Variants in ROBO2 observed in about 807,000 individuals in gnomAD.
The protein encoded by ROBO2 is roundabout homolog 2.
A neutral mutation model predicts 160.8 loss-of-function variants in ROBO2; 53 were observed. That is an observed-to-expected ratio of 0.33 (90% CI 0.26 to 0.41). The LOEUF (loss-of-function observed/expected upper bound fraction) is 0.41. Ranked by LOEUF, ROBO2 falls within the 10% of genes least tolerant of loss-of-function variation. The probability of loss-of-function intolerance (pLI) is 1.00; values close to 1 mark genes in which losing one functional copy is unlikely to be tolerated. For synonymous variants in ROBO2, 664 were observed against 611.7 expected, an observed-to-expected ratio of 1.09 and a Z score of -1.26; for missense variants, 1,577 against 1,722.4, an observed-to-expected ratio of 0.92 and a Z score of 1.49.
chr3:76,489,495 ACCAGCTTTAAAATGT>A (rs1414597618), intron 2 of ROBO2, among the ~76,000 whole-genome samples: 9 of 152,282 alleles, frequency 5.9e-5, no homozygotes, highest in African/African-American at 2.2e-4. Context: ...TGAATTCTCA[ACCAGCTTTAAAATGT>A]TATAATTTTG....
Position 77,077,838 on chromosome 3 carries a change from G to A in ROBO2, c.62-20176G>A, listed in dbSNP as rs139438836. 9.1e-3 allele frequency among the ~76,000 whole-genome samples: 1,389 copies of A among 152,250 alleles called. 7 individuals carry two copies. Among genetic ancestry groups the A allele is most frequent in the Non-Finnish European group, 0.014 (947 of 68,014 alleles). Reference sequence around the variant, plus strand: ...CAGCTGCATAGAGAATCATTCCTGGGTATTCTAGAATCTCTGCCAGTTTCT... The same window carrying A: ...CAGCTGCATAGAGAATCATTCCTGGATATTCTAGAATCTCTGCCAGTTTCT... On this transcript the variant is annotated intron_variant, in intron 1 of 25. Transcript: ENST00000461745.
chr3:76,124,492 TATC>T (rs1208934213), intron 2 of ROBO2, among the ~76,000 whole-genome samples: 1 of 152,084 alleles, frequency 6.6e-6, no homozygotes, highest in African/African-American at 2.4e-5. Context: ...CCAGAACACT[TATC>T]ATAAATTTTT....
At chr3:77,381,037 A>C (rs867199281) in intron 2 of ROBO2, among the ~76,000 whole-genome samples, 7 of 152,064 alleles carry the variant, frequency 4.6e-5, no homozygotes, top group Middle Eastern at 3.2e-3. Flanking sequence ...GCATTTTGGC[A>C]GGGCGCAGTG....
intron 2 of ROBO2, among the ~76,000 whole-genome samples, chr3:77,395,218 A>T (rs1560715015): frequency 6.6e-6 from 1 of 152,128 alleles, no homozygotes; most frequent in Admixed American, 6.6e-5. Flanking sequence ...GTGTTCAAGC[A>T]TTCTTATTTT....
intron 2 of ROBO2, among the ~76,000 whole-genome samples, chr3:77,433,400 A>C (rs896993224): frequency 1.3e-5 from 2 of 149,070 alleles, no homozygotes; most frequent in East Asian, 4.0e-4. Flanking sequence ...TCACTCCTAG[A>C]TGACATCTAT....
chr3:77,489,747 T>C lies in ROBO2; in HGVS notation c.668-3497T>C, dbSNP rs1488499648. 2.6e-5 allele frequency among the ~76,000 whole-genome samples: 4 copies of C among 152,328 alleles called. No individual in the cohort carries two copies. The East Asian group carries it at 7.7e-4, about 29-fold the overall frequency. On this transcript the variant is annotated intron_variant, in intron 4 of 25. Coordinates refer to ENST00000461745, the Ensembl canonical transcript of ROBO2. ...GTCTCACATATTGTTTTTCAATTTA[T>C]TTTATACCCAGCATAATGTCATGAA...
intron 2 of ROBO2, among the ~76,000 whole-genome samples, chr3:77,231,412 A>G (rs952551570): frequency 6.6e-6 from 1 of 151,198 alleles, no homozygotes; most frequent in Admixed American, 6.6e-5. Flanking sequence ...ACACTAAGCT[A>G]AAATAAAAGC....
At chr3:76,512,697 G>T (rs991494038) in intron 2 of ROBO2, among the ~76,000 whole-genome samples, 4 of 151,938 alleles carry the variant, frequency 2.6e-5, no homozygotes, top group African/African-American at 7.3e-5. Flanking sequence ...GCACAAAATT[G>T]TTTAAAATAT....
chr3:76,542,723 C>T (rs1328801034), intron 2 of ROBO2, among the ~76,000 whole-genome samples: 1 of 152,072 alleles, frequency 6.6e-6, no homozygotes, highest in East Asian at 1.9e-4. Context: ...AGGAATAATC[C>T]ACACTTAACT....
At chr3:77,223,517 T>C (rs1304629026) in intron 2 of ROBO2, among the ~76,000 whole-genome samples, 2 of 152,102 alleles carry the variant, frequency 1.3e-5, no homozygotes, top group African/African-American at 2.4e-5. Context: ...ATATTAACTT[T>C]CCATATTCAC....
At chr3:76,975,677 T>C (rs1372536501) in intron 2 of ROBO2, among the ~76,000 whole-genome samples, 2 of 152,186 alleles carry the variant, frequency 1.3e-5, no homozygotes, top group African/African-American at 4.8e-5. Context: ...CTGAGAAACA[T>C]AAGTCTTCTA....
At chr3:75,972,005 GT>G (rs2065010082) in intron 2 of ROBO2, among the ~76,000 whole-genome samples, 1 of 151,492 alleles carries the variant, frequency 6.6e-6, no homozygotes, top group African/African-American at 2.4e-5. Context: ...AAATTATTCT[GT>G]TCTGTGCTTA....
At chr3:77,538,834 T>C (rs2153641000) in intron 6 of ROBO2, 1 of 486,494 alleles carries the variant, frequency 2.1e-6, no homozygotes. Flanking sequence ...TATAATTGCA[T>C]TGCAAAGAAA....
chr3:75,980,884 C>A (rs2065256028), intron 2 of ROBO2, among the ~76,000 whole-genome samples: 1 of 144,082 alleles, frequency 6.9e-6, no homozygotes, highest in Non-Finnish European at 1.5e-5. Flanking sequence ...TAATAACATG[C>A]ATTATGAGAT....
At chr3:76,513,884 A>G (rs2081226040) in intron 2 of ROBO2, among the ~76,000 whole-genome samples, 1 of 152,182 alleles carries the variant, frequency 6.6e-6, no homozygotes, top group African/African-American at 2.4e-5. Flanking sequence ...AATTTTTAGA[A>G]TGTAAGAACT....
At chr3:76,948,903 TA>T (rs2078766608) in intron 2 of ROBO2, among the ~76,000 whole-genome samples, 4 of 23,108 alleles carry the variant, frequency 1.7e-4, no homozygotes, top group African/African-American at 4.9e-4. Context: ...TATATATATA[TA>T]TATATTTTTT....
At chr3:77,523,523 T>TG (rs1251766358) in intron 6 of ROBO2, among the ~76,000 whole-genome samples, 1 of 151,394 alleles carries the variant, frequency 6.6e-6, no homozygotes. Flanking sequence ...TCCTCAGTCA[T>TG]GGAATAATGT....
chr3:76,098,701 G>C (rs1012620836), intron 2 of ROBO2, among the ~76,000 whole-genome samples: 1 of 151,930 alleles, frequency 6.6e-6, no homozygotes, highest in African/African-American at 2.4e-5. Context: ...AGAAATAATG[G>C]CTCTTAACAA....
intron 2 of ROBO2, among the ~76,000 whole-genome samples, chr3:77,418,228 T>C (rs192063444): frequency 5.3e-5 from 8 of 152,290 alleles, no homozygotes; most frequent in African/African-American, 1.9e-4. Flanking sequence ...CAACTGTGTT[T>C]AGCATGGATA....
Sources: allele counts gnomAD v4.1 joint callset (sites outside exome capture counted in the v4.1 genomes callset), GRCh38; gene constraint gnomAD v4.1.1; transcripts MANE v1.5; gene names NCBI Gene and HGNC (gene_info 2026-07-23, HGNC 2026-07-21).